HERC3: variants seen among roughly 807,000 people sequenced by gnomAD.
HERC3 encodes the protein probable E3 ubiquitin-protein ligase HERC3.
A neutral mutation model predicts 129.9 loss-of-function variants in HERC3; 58 were observed. The observed-to-expected ratio is 0.45, with a 90% confidence interval of 0.36 to 0.56. The LOEUF (loss-of-function observed/expected upper bound fraction) is 0.56. Among genes scored for constraint, HERC3 ranks in the 20% least tolerant of loss-of-function variants. HERC3 has a pLI of 0.00. For missense variants in HERC3, 835 were observed against 1,244.2 expected (o/e 0.67, Z 4.95); for synonymous variants, 430 against 451.0 (o/e 0.95, Z 0.59).
chr4:88,625,164 AT>A (rs879646110), intron 3 of HERC3, among the ~76,000 whole-genome samples: 65 of 151,394 alleles, frequency 4.3e-4, no homozygotes, highest in African/African-American at 1.3e-3. Flanking sequence ...ATTTTTCAGA[AT>A]TTTTTTTTGG....
chr4:88,573,309 G>T, the HERC3 span, among the ~76,000 whole-genome samples: 1 of 152,318 alleles, frequency 6.6e-6, no homozygotes, highest in East Asian at 1.9e-4. Context: ...AGCTCATCAG[G>T]TTTAGAATCC....
chr4:88,685,904 A>T (rs1578317439), intron 21 of HERC3, among the ~76,000 whole-genome samples: 1 of 152,332 alleles, frequency 6.6e-6, no homozygotes, highest in East Asian at 1.9e-4. Flanking sequence ...ATATTTAAAA[A>T]GAAGCTCTTT....
the HERC3 span, among the ~76,000 whole-genome samples, chr4:88,540,906 C>A: frequency 4.6e-5 from 7 of 152,036 alleles, no homozygotes; most frequent in East Asian, 5.8e-4. Flanking sequence ...AGATTTTGTC[C>A]CCACCAGGCC....
chr4:88,525,543 T>C, the HERC3 span, among the ~76,000 whole-genome samples: 1 of 152,222 alleles, frequency 6.6e-6, no homozygotes, highest in Non-Finnish European at 1.5e-5. Flanking sequence ...CAACTGGGTT[T>C]TCTAACCAGT....
chr4:88,536,946 C>G, the HERC3 span, among the ~76,000 whole-genome samples: 1 of 152,030 alleles, frequency 6.6e-6, no homozygotes, highest in Admixed American at 6.6e-5. Flanking sequence ...AAAATACGAC[C>G]AAGAATTCTT....
intron 3 of HERC3, among the ~76,000 whole-genome samples, chr4:88,613,955 C>G (rs181927410): frequency 0.012 from 1,542 of 126,382 alleles, 29 homozygotes; most frequent in African/African-American, 0.051. Flanking sequence ...GATAATTGAT[C>G]GGAATTTTTT....
intron 11 of HERC3, among the ~76,000 whole-genome samples, chr4:88,662,955 A>G (rs933035813): frequency 6.6e-6 from 1 of 150,376 alleles, no homozygotes. Context: ...AATTTCTAGC[A>G]TTTTCCTATT....
intron 2 of HERC3, among the ~76,000 whole-genome samples, chr4:88,602,541 G>C (rs1411390132): frequency 2.0e-5 from 3 of 151,892 alleles, no homozygotes; most frequent in Non-Finnish European, 4.4e-5. Flanking sequence ...GCAGCAGTGC[G>C]ATCACAGCTC....
the HERC3 span, among the ~76,000 whole-genome samples, chr4:88,579,217 A>T: frequency 8.3e-6 from 1 of 120,108 alleles, no homozygotes; most frequent in Non-Finnish European, 1.6e-5. Context: ...CCCTGTCTCT[A>T]CTAAAAAAAA....
intron 3 of HERC3, among the ~76,000 whole-genome samples, chr4:88,607,389 A>C (rs989831634): frequency 1.3e-5 from 2 of 152,142 alleles, no homozygotes; most frequent in Non-Finnish European, 2.9e-5. Context: ...GTTTCCTTAA[A>C]TTTCAGTGCT....
At position 88,593,990 on chromosome 4, in the gene HERC3, C is replaced by A. The variant is rs10084824; in HGVS notation, c.-88+1416C>A. Reference sequence around the variant, plus strand: ...CATATTTTACATCATGGTCGTACCGCCTTCGAGGCTAGGAACTTTCTGTAA... The same window carrying A: ...CATATTTTACATCATGGTCGTACCGACTTCGAGGCTAGGAACTTTCTGTAA... On this transcript the variant is annotated intron_variant, in intron 1 of 25. Transcript: ENST00000402738. Among the ~76,000 whole-genome samples, 1,086 of 152,302 alleles carry A rather than the reference C, an allele frequency of 7.1e-3. 8 individuals carry two copies. Among genetic ancestry groups the A allele is most frequent in the Non-Finnish European group, 0.011 (770 of 68,018 alleles).
the HERC3 span, among the ~76,000 whole-genome samples, chr4:88,560,206 C>T: frequency 5.8e-4 from 89 of 152,140 alleles, no homozygotes; most frequent in East Asian, 8.1e-3. Flanking sequence ...GTGATCCACC[C>T]GCCTCGGCCT....
the HERC3 span, among the ~76,000 whole-genome samples, chr4:88,579,219 TAAAAAA>T: frequency 0.041 from 4,766 of 117,030 alleles, 289 homozygotes; most frequent in East Asian, 0.27. Flanking sequence ...CTGTCTCTAC[TAAAAAA>T]AAAAAAAATA....
chr4:88,693,286 A>G, intron 23 of HERC3: 3 of 974,160 alleles, frequency 3.1e-6, no homozygotes, highest in Non-Finnish European at 3.7e-6. Flanking sequence ...TTTTAATGAT[A>G]AGGTCTCAGG....
chr4:88,531,454 A>G, the HERC3 span, among the ~76,000 whole-genome samples: 1,120 of 152,330 alleles, frequency 7.4e-3, 16 homozygotes, highest in African/African-American at 0.025. Context: ...CTATAAATAT[A>G]TCACAAGAAA....
At chr4:88,704,022 A>G (rs752504615) in intron 23 of HERC3, 76 bp from the exon 24 acceptor site, 134 of 1,297,874 alleles carry the variant, frequency 1.0e-4, no homozygotes, top group Non-Finnish European at 1.4e-4. Flanking sequence ...ATCACTCCCA[A>G]TCTCAGTGTA....
chr4:88,546,907 A>G, the HERC3 span, among the ~76,000 whole-genome samples: 1 of 152,150 alleles, frequency 6.6e-6, no homozygotes, highest in Non-Finnish European at 1.5e-5. Context: ...CTATTCTTCA[A>G]TAATGTGTCA....
At chr4:88,673,994 G>A (rs1292613982) in intron 16 of HERC3, among the ~76,000 whole-genome samples, 1 of 152,154 alleles carries the variant, frequency 6.6e-6, no homozygotes, top group Non-Finnish European at 1.5e-5. Flanking sequence ...GGCTTTGGCT[G>A]TGGCTCCTAA....
rs780012401 is a variant in HERC3 at position 88,668,017 on chromosome 4, A to G, written c.1569A>G (p.Ile523Met). 6 of 1,613,698 alleles carry G rather than the reference A, an allele frequency of 3.7e-6. No individual in the cohort carries two copies. Among genetic ancestry groups the G allele is most frequent in the Non-Finnish European group, 5.1e-6 (6 of 1,179,644 alleles). Residue 523 changes from isoleucine to methionine, a missense_variant, in exon 14 of 26, where the codon ATA (isoleucine) becomes ATG (methionine). Ile to Met is a conservative substitution (Grantham distance 10, BLOSUM62 1). Coordinates refer to ENST00000402738, the MANE Select transcript of HERC3 (RefSeq NM_014606.3). ...FPLLQDSKYY[I>M]TLTIPLAMAI... Reference sequence around the variant, plus strand: ...TACTCCAGGATTCCAAGTATTATATAACATTGACTATTCCCTTGGCTATGG... The same window carrying G: ...TACTCCAGGATTCCAAGTATTATATGACATTGACTATTCCCTTGGCTATGG...
Sources: gnomAD v4.1 joint callset for allele counts (sites outside exome capture counted in the v4.1 genomes callset) on GRCh38, gnomAD v4.1.1 for gene constraint, MANE v1.5 for transcripts, NCBI Gene and HGNC (gene_info 2026-07-23, HGNC 2026-07-21) for gene names.